Variants in COBL observed in about 807,000 individuals in gnomAD.
COBL encodes protein cordon-bleu.
COBL carries 51 observed loss-of-function variants against 98.8 expected under a neutral mutation model. The observed-to-expected ratio is 0.52, with a 90% CI of 0.41 to 0.65. COBL has a LOEUF of 0.65. COBL is among the 30% of genes least tolerant of loss of function. The pLI, the probability that COBL is intolerant of heterozygous loss-of-function variation, is 0.00. For missense variants in COBL, 1,617 were observed against 1,617.5 expected, an observed-to-expected ratio of 1.00 and a Z score of 0.01; for synonymous variants, 634 against 651.7, an observed-to-expected ratio of 0.97 and a Z score of 0.41.
intron 5 of COBL, among the ~76,000 whole-genome samples, chr7:51,149,262 T>A (rs1483031431): frequency 6.6e-6 from 1 of 152,136 alleles, no homozygotes; most frequent in Non-Finnish European, 1.5e-5. Context: ...CAGGGGCACA[T>A]CACTTCTCCT....
chr7:51,064,758 T>A (rs571980689), intron 7 of COBL: 386 of 171,848 alleles, frequency 2.2e-3, no homozygotes, highest in Middle Eastern at 5.5e-3. Context: ...CATTTTATAT[T>A]TTTTTTTAAA....
chr7:51,270,884 T>G (rs1798693627), intron 1 of COBL, among the ~76,000 whole-genome samples: 2 of 152,124 alleles, frequency 1.3e-5, no homozygotes, highest in Admixed American at 6.6e-5. Flanking sequence ...CAAGTATGTA[T>G]GTTTGTTCCT....
intron 2 of COBL, among the ~76,000 whole-genome samples, chr7:51,218,602 T>C (rs1466882724): frequency 1.3e-5 from 2 of 152,128 alleles, no homozygotes; most frequent in Admixed American, 6.6e-5. Context: ...GCCTCCCAAG[T>C]AGCTGGGACT....
Position 51,043,426 on chromosome 7 carries a change from T to C in COBL, c.1363A>G (p.Ser455Gly), listed in dbSNP as rs1252784128. 1.2e-6 allele frequency: 2 copies of C among 1,614,178 alleles called. No homozygotes were observed. The highest frequency in any genetic ancestry group is 3.3e-5 in the Admixed American group (2 of 60,024). Residue 455 changes from serine (S) to glycine (G), a missense_variant, in exon 8 of 13, where the codon AGC becomes GGC. This residue lies in a region of COBL where 1,304 missense variants were observed against 1,282.0 expected (regional missense o/e 1.02). Transcript: ENST00000265136. ...GAGCCATTCTTCTCCCACAAGGGGC[T>C]CTTCTGGGGACCCAGGTCTGGGGTT... ...AGTPDLGPQK[S>G]PLWEKNGSEN...
intron 6 of COBL, among the ~76,000 whole-genome samples, chr7:51,123,348 G>A (rs1038564938): frequency 6.6e-6 from 1 of 152,190 alleles, no homozygotes; most frequent in African/African-American, 2.4e-5. Flanking sequence ...GCCTGATGAA[G>A]TTAACCCCAT....
Position 51,137,599 on chromosome 7 carries a change from AAGG to A in COBL, c.784-1271_784-1269del, listed in dbSNP as rs201986417. Among the ~76,000 whole-genome samples the A allele has an allele frequency of 4.7e-3, 707 of 151,958 alleles. 4 individuals are homozygous for A. Among genetic ancestry groups the A allele is most frequent in the Middle Eastern group, 0.038 (11 of 292 alleles). On this transcript the variant is annotated intron_variant, in intron 5 of 12. Transcript: ENST00000265136. ...GATCCCACTTCTTTAAAAAAAAAAA[AAGG>A]AGTTCTTGGCACAAAGTAAGTACCC... is the stretch of plus-strand genomic sequence containing the variant.
chr7:51,074,080 C>T (rs1792821990), intron 7 of COBL, among the ~76,000 whole-genome samples: 1 of 151,902 alleles, frequency 6.6e-6, no homozygotes, highest in South Asian at 2.1e-4. Flanking sequence ...TGCCTGAGTG[C>T]ACATCAGCAC....
chr7:51,282,253 T>C (rs911627345), intron 1 of COBL, among the ~76,000 whole-genome samples: 1 of 152,126 alleles, frequency 6.6e-6, no homozygotes, highest in African/African-American at 2.4e-5. Flanking sequence ...AATAGTTTAA[T>C]ATAATTATTT....
chr7:51,304,533 A>G (rs1398360321), intron 1 of COBL, among the ~76,000 whole-genome samples: 1 of 152,216 alleles, frequency 6.6e-6, no homozygotes, highest in African/African-American at 2.4e-5. Context: ...TTAGTTTCCT[A>G]TCAAGGTGGC....
chr7:51,031,713 C>CT (rs1788166436), intron 8 of COBL: 1 of 152,260 alleles, frequency 6.6e-6, no homozygotes, highest in South Asian at 2.1e-4. Context: ...TCTATGTTTA[C>CT]TTTGGCTTAA....
chr7:51,221,595 A>G (rs942993367), intron 1 of COBL, among the ~76,000 whole-genome samples: 22 of 152,216 alleles, frequency 1.4e-4, no homozygotes, highest in African/African-American at 5.3e-4. Context: ...TTATTTGTTT[A>G]GGAAAATTCT....
chr7:51,223,095 C>A (rs1267908203), intron 1 of COBL, among the ~76,000 whole-genome samples: 1 of 152,310 alleles, frequency 6.6e-6, no homozygotes, highest in Non-Finnish European at 1.5e-5. Flanking sequence ...GAGCAGCCTG[C>A]GAGGGCTGTT....
intron 1 of COBL, among the ~76,000 whole-genome samples, chr7:51,262,465 T>C (rs1021720057): frequency 2.4e-4 from 37 of 152,000 alleles, no homozygotes; most frequent in Admixed American, 2.4e-3. Flanking sequence ...GAGGTGGCCA[T>C]GGGAAAGGAC....
chr7:51,082,639 C>T (rs766709124), intron 7 of COBL, among the ~76,000 whole-genome samples: 21 of 151,780 alleles, frequency 1.4e-4, no homozygotes, highest in African/African-American at 2.7e-4. Context: ...AGCTAACTTA[C>T]GAAGGACGTC....
chr7:51,292,560 C>T (rs1033156420), intron 1 of COBL, among the ~76,000 whole-genome samples: 11 of 152,230 alleles, frequency 7.2e-5, no homozygotes, highest in Non-Finnish European at 4.4e-5. Context: ...TATTTGCTGA[C>T]GCAAAAGGCA....
intron 6 of COBL, among the ~76,000 whole-genome samples, chr7:51,114,670 T>C (rs1797120885): frequency 1.3e-5 from 2 of 152,166 alleles, no homozygotes; most frequent in East Asian, 1.9e-4. Context: ...TGGGATTTTC[T>C]TCCCCCAGAT....
chr7:51,145,961 C>T (rs563922025), intron 5 of COBL, among the ~76,000 whole-genome samples: 12 of 152,180 alleles, frequency 7.9e-5, no homozygotes, highest in East Asian at 3.9e-4. Flanking sequence ...TGGGCCCCAC[C>T]GCTCTCACCT....
chr7:51,113,505 C>T (rs575440721), intron 6 of COBL, among the ~76,000 whole-genome samples: 2 of 152,274 alleles, frequency 1.3e-5, no homozygotes, highest in South Asian at 2.1e-4. Flanking sequence ...CTTTTACTGT[C>T]ACTCAATTCC....
intron 5 of COBL, among the ~76,000 whole-genome samples, chr7:51,177,775 A>ATAAAT (rs1554416765): frequency 7.7e-5 from 11 of 142,902 alleles, no homozygotes; most frequent in African/African-American, 2.9e-4. Flanking sequence ...CTGTCTCAAA[A>ATAAAT]AAATAAATAA....
Sources: gnomAD v4.1 joint callset for allele counts (sites outside exome capture counted in the v4.1 genomes callset) on GRCh38, gnomAD v4.1.1 for gene constraint, gnomAD v4.1.1 regional missense constraint, MANE v1.5 for transcripts, NCBI Gene and HGNC (gene_info 2026-07-23, HGNC 2026-07-21) for gene names.